The following CMYA5 variants were observed in gnomAD, a reference collection of about 807,000 sequenced individuals.
CMYA5 encodes cardiomyopathy-associated protein 5.
CMYA5 carries 246 observed loss-of-function variants against 318.9 expected under a neutral mutation model. That is an observed-to-expected ratio of 0.77 (90% CI 0.70 to 0.86). The LOEUF (loss-of-function observed/expected upper bound fraction) is 0.86, where lower values mean the gene tolerates loss of function less well. Among genes scored for constraint, CMYA5 ranks in the 40% least tolerant of loss-of-function variants. CMYA5 has a pLI of 0.00. For synonymous variants in CMYA5, 1,641 were observed against 1,729.5 expected (o/e 0.95, Z 1.27); for missense variants, 4,589 against 4,678.2 (o/e 0.98, Z 0.56).
chr5:79,689,960 G>A lies in CMYA5; in HGVS notation c.53G>A (p.Gly18Glu). The A allele has an allele frequency of 8.6e-7, 1 of 1,168,554 alleles. No individual in the cohort carries two copies. The highest frequency in any genetic ancestry group is 1.2e-6 in the Non-Finnish European group (1 of 804,802). 72.4% of individuals were successfully genotyped at this position (1,168,554 alleles called of 1,614,324 possible). A position where few individuals can be genotyped will look rare whatever the true frequency, so the allele number is the denominator to read the frequency against. ...GGCGAGAGCTTTCTCGGCTCCGACG[G>A]GGACGAGGAGGCGACCCGGGAGCTG... is the stretch of plus-strand genomic sequence containing the variant. ...HAGESFLGSD[G>E]DEEATRELET... Residue 18 changes from glycine to glutamate, a missense_variant, in exon 1 of 13, where the codon GGG (glycine) becomes GAG (glutamate). Physicochemically the swap from Gly to Glu is moderately conservative, Grantham distance 98. Transcript: ENST00000446378.
intron 9 of CMYA5, among the ~76,000 whole-genome samples, chr5:79,788,051 T>C (rs527779900): frequency 3.2e-4 from 49 of 152,214 alleles, no homozygotes; most frequent in African/African-American, 1.1e-3. Flanking sequence ...CTTCTGAGAA[T>C]GAACATGAAG....
chr5:79,706,643 C>A (rs1827279426), intron 1 of CMYA5, among the ~76,000 whole-genome samples: 2 of 152,152 alleles, frequency 1.3e-5, no homozygotes, highest in South Asian at 4.1e-4. Context: ...ATTCCCAGAG[C>A]TATGAACATC....
Position 79,739,230 on chromosome 5 carries a change from G to C in CMYA5, c.10465G>C (p.Asp3489His). 1 of 1,613,000 alleles carries C rather than the reference G, an allele frequency of 6.2e-7. No individual in the cohort carries two copies. The highest frequency in any genetic ancestry group is 8.5e-7 in the Non-Finnish European group (1 of 1,179,516). The part of the protein sequence containing the change: ...KELGSERKEE[D>H]QLSSEVVTEK... Reference sequence around the variant, plus strand: ...GTTGGGCAGCGAGAGGAAAGAAGAAGACCAATTATCATCTGAGGTAGTAAC... The same window carrying C: ...GTTGGGCAGCGAGAGGAAAGAAGAACACCAATTATCATCTGAGGTAGTAAC... Residue 3489 changes from aspartate (D) to histidine (H), a missense_variant, in exon 2 of 13, where the codon GAC becomes CAC. Asp to His is a moderately conservative substitution (Grantham distance 81). Coordinates refer to ENST00000446378, the MANE Select transcript of CMYA5 (RefSeq NM_153610.5).
rs143396308 is a variant in CMYA5 at position 79,714,197 on chromosome 5, C to A, written c.150-14718C>A. On this transcript the variant is annotated intron_variant, in intron 1 of 12. Transcript: ENST00000446378. ...GCCAGACACACCATGTGGTTTCACA[C>A]CCCTCTTCTTTTGCACATGTTGTTC... is the stretch of plus-strand genomic sequence containing the variant. 6.8e-3 allele frequency among the ~76,000 whole-genome samples: 1,035 copies of A among 152,100 alleles called. 9 individuals are homozygous for A. The highest frequency in any genetic ancestry group is 0.023 in the African/African-American group (952 of 41,490).
At chr5:79,755,489 G>A (rs1467006324) in intron 6 of CMYA5, among the ~76,000 whole-genome samples, 2 of 152,060 alleles carry the variant, frequency 1.3e-5, no homozygotes, top group Non-Finnish European at 2.9e-5. Flanking sequence ...GTTTTGCTGT[G>A]TTGGCCAGGT....
rs1242995595 is a variant in CMYA5, at chr5:79,736,588, A to C, written c.7823A>C (p.Glu2608Ala). Reference protein sequence around the residue: ...SEAMLAEAHPEIREAKAVGTQ... With the variant: ...SEAMLAEAHPAIREAKAVGTQ... ...GCCATGCTCGCAGAGGCTCACCCAGAAATCAGAGAAGCAAAGGCAGTAGGA... is the reference window on the plus strand; with the variant it reads ...GCCATGCTCGCAGAGGCTCACCCAGCAATCAGAGAAGCAAAGGCAGTAGGA... The change falls in exon 2 of 13, where the codon GAA (glutamate) becomes GCA (alanine). Residue 2608 changes from glutamate (E) to alanine (A), a missense_variant. This residue lies in a region of CMYA5 where 2,431 missense variants were observed against 2,495.1 expected (regional missense o/e 0.97). Coordinates refer to ENST00000446378, the MANE Select transcript of CMYA5 (RefSeq NM_153610.5). The C allele has an allele frequency of 1.2e-6, 2 of 1,613,818 alleles. No individual in the cohort carries two copies. The highest frequency in any genetic ancestry group is 1.7e-5 in the Admixed American group (1 of 59,968).
At chr5:79,713,390 A>G (rs959425262) in intron 1 of CMYA5, among the ~76,000 whole-genome samples, 2 of 150,776 alleles carry the variant, frequency 1.3e-5, no homozygotes, top group African/African-American at 4.9e-5. Context: ...CAAGACCACA[A>G]ATAATTGAGT....
chr5:79,712,151 A>T (rs1458695164), intron 1 of CMYA5, among the ~76,000 whole-genome samples: 1 of 152,172 alleles, frequency 6.6e-6, no homozygotes, highest in Non-Finnish European at 1.5e-5. Flanking sequence ...TACTTCACCT[A>T]TCCCTGTTCA....
rs376859315 is a variant in CMYA5 at position 79,729,182 on chromosome 5, G to A, written c.417G>A (p.Lys139=). The change falls in exon 2 of 13, where the codon AAG becomes AAA. Residue 139 remains lysine, a synonymous_variant. Transcript: ENST00000446378. ...TTCGGAAAAGGACTCATAAGTCAAA[G>A]CATGGTTCACCATCATTACGCCGGA... ...KKVRKRTHKS[K]HGSPSLRRKG... 4 of 1,613,116 alleles carry A rather than the reference G, an allele frequency of 2.5e-6. No homozygotes were observed. Among genetic ancestry groups the A allele is most frequent in the Non-Finnish European group, 2.5e-6 (3 of 1,179,694 alleles).
In CMYA5 at chr5:79,799,854, GAGTTCTTTCCT is replaced by G; in HGVS notation, c.*240_*250del. The G allele has an allele frequency of 4.5e-6, 1 of 224,298 alleles. No homozygotes were observed. 13.9% of individuals were successfully genotyped at this position (224,298 alleles called of 1,614,324 possible). ...TCCACTCTTTAGTTTATATAAGTTT[GAGTTCTTTCCT>G]AAATTAAAAGATCTACACTTGAGTT... On this transcript the variant is annotated 3_prime_UTR_variant, in exon 13 of 13. Transcript: ENST00000446378.
chr5:79,735,846 ATTT>A lies in CMYA5; in HGVS notation c.7084_7086del (p.Phe2362del). 1 of 1,556,802 alleles carries A rather than the reference ATTT, an allele frequency of 6.4e-7. No homozygotes were observed. Among genetic ancestry groups the A allele is most frequent in the Non-Finnish European group, 8.6e-7 (1 of 1,159,846 alleles). On this transcript the variant is annotated inframe_deletion, in exon 2 of 13. Transcript: ENST00000446378. ...TCCTCCATCTAAATGGAATATTTCT[ATTT>A]TTAAGGAAGAGCCAAGAAGTGATCA...
Position 79,760,357 on chromosome 5 carries a change from A to G in CMYA5, c.11261-1454A>G, listed in dbSNP as rs1828627435. On this transcript the variant is annotated intron_variant, in intron 7 of 12. Coordinates refer to ENST00000446378, the MANE Select transcript of CMYA5 (RefSeq NM_153610.5). ...GTCTCTAGTCACATATGTTATGTAC[A>G]CTGTTAAAGGGAGTGCCAGGGTAAT... Among the ~76,000 whole-genome samples, 3 of 152,160 alleles carry G rather than the reference A, an allele frequency of 2.0e-5. 1 individual carries two copies. The South Asian group carries it at 6.2e-4, about 32-fold the overall frequency.
rs763252914 is a variant in CMYA5 at position 79,732,187 on chromosome 5, A to G, written c.3422A>G (p.Glu1141Gly). ...LTSEVEKGER[E>G]ASSSVAAIPA... ...AGTGAAGTGGAGAAGGGAGAAAGGG[A>G]GGCAAGTTCATCAGTAGCTGCAATA... Residue 1141 changes from glutamate (E) to glycine (G), a missense_variant, in exon 2 of 13, where the codon GAG becomes GGG. By Grantham distance (98) the Glu-to-Gly change is moderately conservative (BLOSUM62 -2). Around this residue, in one of 3 missense-constraint regions of CMYA5, gnomAD observed 2,132 missense variants for 2,131.3 expected, o/e 1.00. Coordinates refer to ENST00000446378, the MANE Select transcript of CMYA5 (RefSeq NM_153610.5). 1.4e-5 allele frequency: 22 copies of G among 1,613,822 alleles called. No homozygotes were observed. In the African/African-American group the frequency reaches 2.3e-4, roughly 17 times the overall value.
intron 6 of CMYA5, among the ~76,000 whole-genome samples, chr5:79,754,836 C>T (rs1333990587): frequency 1.3e-5 from 2 of 152,170 alleles, no homozygotes; most frequent in African/African-American, 4.8e-5. Context: ...TCCATATTCT[C>T]CCCTTCTCCT....
At position 79,738,584 on chromosome 5, in the gene CMYA5, C is replaced by T. The variant is rs1485197178; in HGVS notation, c.9819C>T (p.Tyr3273=). Residue 3273 remains tyrosine (Y), a synonymous_variant, in exon 2 of 13, where the codon TAC becomes TAT. Coordinates refer to ENST00000446378, the MANE Select transcript of CMYA5 (RefSeq NM_153610.5). Reference sequence around the variant, plus strand: ...AACGAGTTGGTAAGGATGATTCATACCAACCGATAGCTGCAGAAGGGGAAA... The same window carrying T: ...AACGAGTTGGTAAGGATGATTCATATCAACCGATAGCTGCAGAAGGGGAAA... ...EEKRVGKDDS[Y]QPIAAEGEIW... 1 of 1,613,486 alleles carries T rather than the reference C, an allele frequency of 6.2e-7. No individual in the cohort carries two copies. Among genetic ancestry groups the T allele is most frequent in the Non-Finnish European group, 8.5e-7 (1 of 1,179,870 alleles).
At chr5:79,716,693 A>G (rs979515963) in intron 1 of CMYA5, among the ~76,000 whole-genome samples, 2 of 152,232 alleles carry the variant, frequency 1.3e-5, no homozygotes, top group Non-Finnish European at 2.9e-5. Context: ...GAAAATGTTG[A>G]CAAACAACAA....
chr5:79,769,791 T>G (rs1828820936), intron 9 of CMYA5, among the ~76,000 whole-genome samples: 1 of 152,188 alleles, frequency 6.6e-6, no homozygotes, highest in Admixed American at 6.5e-5. Flanking sequence ...AGGGACCCAC[T>G]TGAGAAGGCA....
intron 1 of CMYA5, among the ~76,000 whole-genome samples, chr5:79,694,937 A>G (rs180712320): frequency 1.2e-4 from 19 of 152,346 alleles, no homozygotes; most frequent in African/African-American, 4.6e-4. Context: ...CTGAAGAGCT[A>G]TTTAAGTGTT....
chr5:79,749,140 G>A (rs1447017673), intron 5 of CMYA5, among the ~76,000 whole-genome samples: 1 of 152,124 alleles, frequency 6.6e-6, no homozygotes, highest in East Asian at 1.9e-4. Flanking sequence ...TTGTCCAGTT[G>A]ACAGTGAATT....
Sources: allele counts gnomAD v4.1 joint callset (sites outside exome capture counted in the v4.1 genomes callset), GRCh38; gene constraint gnomAD v4.1.1; regional missense constraint gnomAD v4.1.1; transcripts MANE v1.5; gene names NCBI Gene and HGNC (gene_info 2026-07-23, HGNC 2026-07-21).